CNTNAP5: variants seen among roughly 807,000 people sequenced by gnomAD.
CNTNAP5 encodes contactin-associated protein-like 5.
In CNTNAP5, 72 loss-of-function variants were observed where a neutral mutation model predicts 150.2. The observed-to-expected ratio is 0.48, with a 90% CI of 0.40 to 0.58. The LOEUF is 0.58. Among genes scored for constraint, CNTNAP5 ranks in the 20% least tolerant of loss-of-function variants. The pLI, the probability that CNTNAP5 is intolerant of heterozygous loss-of-function variation, is 0.00. For synonymous variants in CNTNAP5, 672 were observed against 619.8 expected (o/e 1.08, Z -1.25); for missense variants, 1,636 against 1,626.2 (o/e 1.01, Z -0.10).
At chr2:124,556,652 G>A (rs1558952428) in intron 10 of CNTNAP5, among the ~76,000 whole-genome samples, 1 of 152,158 alleles carries the variant, frequency 6.6e-6, no homozygotes, top group South Asian at 2.1e-4. Context: ...GAGGAGCATC[G>A]GGGTGGGGTG....
At chr2:124,469,806 A>C (rs7560016) in intron 6 of CNTNAP5, among the ~76,000 whole-genome samples, 91,996 of 151,934 alleles carry the variant, frequency 0.61, 28,471 homozygotes, top group Middle Eastern at 0.74. Flanking sequence ...GCTCCCAATT[A>C]TAAGTGAGAA....
intron 1 of CNTNAP5, among the ~76,000 whole-genome samples, chr2:124,216,096 A>T (rs919904031): frequency 6.6e-6 from 1 of 152,122 alleles, no homozygotes; most frequent in African/African-American, 2.4e-5. Flanking sequence ...AATCCTCTTA[A>T]ATCTGTGAAT....
chr2:124,341,830 T>A (rs1411279160), intron 3 of CNTNAP5, among the ~76,000 whole-genome samples: 1 of 152,142 alleles, frequency 6.6e-6, no homozygotes, highest in African/African-American at 2.4e-5. Flanking sequence ...AGAATGTCTA[T>A]AAATAAGCTG....
intron 21 of CNTNAP5, among the ~76,000 whole-genome samples, chr2:124,876,619 C>G (rs990587558): frequency 6.6e-6 from 1 of 151,852 alleles, no homozygotes; most frequent in African/African-American, 2.4e-5. Flanking sequence ...ATGTAATCTT[C>G]TTTAGAACAA....
intron 11 of CNTNAP5, among the ~76,000 whole-genome samples, chr2:124,567,233 A>G (rs1298709086): frequency 2.0e-5 from 3 of 152,190 alleles, no homozygotes; most frequent in Non-Finnish European, 4.4e-5. Flanking sequence ...CTCTCTAAAA[A>G]ATAACAGAAT....
At chr2:124,752,418 A>C (rs1680747125) in intron 14 of CNTNAP5, among the ~76,000 whole-genome samples, 1 of 152,064 alleles carries the variant, frequency 6.6e-6, no homozygotes, top group African/African-American at 2.4e-5. Flanking sequence ...CAAGTAAATG[A>C]AGATAATGAG....
chr2:124,221,967 C>G lies in CNTNAP5; in HGVS notation c.187+158C>G, dbSNP rs1025469346. Among the ~76,000 whole-genome samples the G allele has an allele frequency of 1.6e-4, 24 of 152,264 alleles. No individual in the cohort carries two copies. In the East Asian group the frequency reaches 4.1e-3, roughly 26 times the overall value. Reference sequence around the variant, plus strand: ...GGAGTGAAAATCTAATGTAAGCATACTTCCATAGCATAATAGTCATTCAAA... The same window carrying G: ...GGAGTGAAAATCTAATGTAAGCATAGTTCCATAGCATAATAGTCATTCAAA... On this transcript the variant is annotated intron_variant, in intron 2 of 23. Transcript: ENST00000682447.
intron 22 of CNTNAP5, among the ~76,000 whole-genome samples, chr2:124,908,793 C>A (rs1313541453): frequency 6.6e-6 from 1 of 151,894 alleles, no homozygotes; most frequent in Admixed American, 6.6e-5. Context: ...TCCACATAAG[C>A]CTGATCTACT....
At chr2:124,741,343 C>T (rs1258751181) in intron 13 of CNTNAP5, among the ~76,000 whole-genome samples, 4 of 152,052 alleles carry the variant, frequency 2.6e-5, no homozygotes, top group African/African-American at 7.2e-5. Context: ...TTCTCTTGGC[C>T]GTAGCTGCAG....
chr2:124,525,634 G>A (rs534581161), intron 9 of CNTNAP5, among the ~76,000 whole-genome samples: 43 of 152,196 alleles, frequency 2.8e-4, no homozygotes, highest in Non-Finnish European at 4.3e-4. Flanking sequence ...TAGGAGGGAA[G>A]CAATATCTCT....
At chr2:124,523,785 C>T (rs972601125) in intron 8 of CNTNAP5, among the ~76,000 whole-genome samples, 4 of 152,214 alleles carry the variant, frequency 2.6e-5, no homozygotes, top group Admixed American at 2.6e-4. Flanking sequence ...TATGTTACCT[C>T]TCTCCAACAG....
intron 6 of CNTNAP5, among the ~76,000 whole-genome samples, chr2:124,447,979 A>C (rs1283246626): frequency 2.0e-5 from 3 of 152,112 alleles, no homozygotes; most frequent in Non-Finnish European, 4.4e-5. Flanking sequence ...ATTATTAAAA[A>C]TTAAGTTGGC....
intron 16 of CNTNAP5, among the ~76,000 whole-genome samples, chr2:124,769,616 T>C (rs1393716349): frequency 6.6e-6 from 1 of 152,222 alleles, no homozygotes; most frequent in Non-Finnish European, 1.5e-5. Flanking sequence ...AAGGGCCCTG[T>C]TATACTGGGC....
chr2:124,720,919 A>G (rs963251763), intron 13 of CNTNAP5, among the ~76,000 whole-genome samples: 4 of 152,052 alleles, frequency 2.6e-5, no homozygotes, highest in African/African-American at 9.7e-5. Flanking sequence ...CTTCTTTAGT[A>G]TACTTTAAGA....
chr2:124,084,999 G>A lies in CNTNAP5; in HGVS notation c.82+59267G>A, dbSNP rs545369887. Among the ~76,000 whole-genome samples the A allele has an allele frequency of 3.7e-3, 465 of 125,638 alleles. 6 individuals carry two copies. The highest frequency in any genetic ancestry group is 6.1e-3 in the Non-Finnish European group (391 of 63,744). The allele number at this position is 125,638 out of a possible 152,430, so 82.4% of individuals were successfully genotyped here. On this transcript the variant is annotated intron_variant, in intron 1 of 23. Coordinates refer to ENST00000682447, the MANE Select transcript of CNTNAP5 (RefSeq NM_001367498.1). ...TGCAGTGGCGTGATCTCGGCTCACC[G>A]CAAACTCTGCCTCCCGGGTTGAAGC...
chr2:124,527,376 C>G lies in CNTNAP5; in HGVS notation c.1569C>G (p.Pro523=). 3 of 1,613,570 alleles carry G rather than the reference C, an allele frequency of 1.9e-6. No individual in the cohort carries two copies. Among genetic ancestry groups the G allele is most frequent in the Non-Finnish European group, 2.5e-6 (3 of 1,179,588 alleles). Residue 523 remains proline, a synonymous_variant, in exon 10 of 24, where the codon CCC becomes CCG. Coordinates refer to ENST00000682447, the MANE Select transcript of CNTNAP5 (RefSeq NM_001367498.1). ...CMRLIFIDNQ[P]KDLISVQQGS... ...GGCTCATCTTTATTGATAACCAGCCCAAGGACCTCATTTCAGTTCAGCAAG... is the reference window on the plus strand; with the variant it reads ...GGCTCATCTTTATTGATAACCAGCCGAAGGACCTCATTTCAGTTCAGCAAG...
At chr2:124,367,961 G>A (rs1690419811) in intron 3 of CNTNAP5, among the ~76,000 whole-genome samples, 1 of 152,146 alleles carries the variant, frequency 6.6e-6, no homozygotes, top group Non-Finnish European at 1.5e-5. Flanking sequence ...TTGCACATGT[G>A]TGATGTGGAG....
At chr2:124,630,729 C>T (rs1024795147) in intron 12 of CNTNAP5, among the ~76,000 whole-genome samples, 2 of 152,018 alleles carry the variant, frequency 1.3e-5, no homozygotes, top group African/African-American at 4.8e-5. Flanking sequence ...CTGGCCAGGG[C>T]AATCAGGCAA....
chr2:124,757,342 C>T (rs1680861285), intron 14 of CNTNAP5, among the ~76,000 whole-genome samples: 1 of 152,132 alleles, frequency 6.6e-6, no homozygotes, highest in East Asian at 1.9e-4. Flanking sequence ...CCTGTGTGCA[C>T]AGAATGGGGA....
Sources: allele counts gnomAD v4.1 joint callset (sites outside exome capture counted in the v4.1 genomes callset), GRCh38; gene constraint gnomAD v4.1.1; transcripts MANE v1.5; gene names NCBI Gene and HGNC (gene_info 2026-07-23, HGNC 2026-07-21).